Variants in METTL15 observed in about 807,000 individuals in gnomAD.
METTL15 encodes 12S rRNA N(4)-cytidine methyltransferase METTL15.
Under a neutral mutation model 38.3 loss-of-function variants are expected in METTL15, and 34 were observed. The observed-to-expected ratio is 0.89, with a 90% CI of 0.68 to 1.18. The LOEUF (loss-of-function observed/expected upper bound fraction) is 1.18, where lower values mean the gene tolerates loss of function less well. Ranked by LOEUF, METTL15 falls within the 50% of genes most tolerant of loss-of-function variation. METTL15 has a pLI of 0.00. For missense variants in METTL15, 438 were observed against 498.4 expected (o/e 0.88, Z 1.15); for synonymous variants, 162 against 170.9 (o/e 0.95, Z 0.41).
intron 3 of METTL15, among the ~76,000 whole-genome samples, chr11:28,113,959 G>C (rs1365470692): frequency 3.3e-5 from 5 of 152,186 alleles, no homozygotes; most frequent in Admixed American, 1.3e-4. Flanking sequence ...GGTAGGTTAA[G>C]TACTTAAATG....
intron 6 of METTL15, among the ~76,000 whole-genome samples, chr11:28,499,242 C>T (rs1851562305): frequency 6.6e-6 from 1 of 151,992 alleles, no homozygotes; most frequent in Non-Finnish European, 1.5e-5. Context: ...AGAGTGTGCC[C>T]AAGATCACAA....
intron 5 of METTL15, among the ~76,000 whole-genome samples, chr11:28,415,239 A>C (rs1564924862): frequency 6.6e-6 from 1 of 152,208 alleles, no homozygotes; most frequent in African/African-American, 2.4e-5. Flanking sequence ...GGAATTGGCG[A>C]ATGGAAACAT....
At chr11:28,283,992 T>C (rs1324740602) in intron 4 of METTL15, among the ~76,000 whole-genome samples, 1 of 152,144 alleles carries the variant, frequency 6.6e-6, no homozygotes, top group African/African-American at 2.4e-5. Flanking sequence ...AGTGGGCATG[T>C]AATCTGCCTA....
chr11:28,259,279 T>C, intron 4 of METTL15, among the ~76,000 whole-genome samples: 1 of 152,026 alleles, frequency 6.6e-6, no homozygotes, highest in Middle Eastern at 3.2e-3. Flanking sequence ...CCATTTGTCC[T>C]GCCCTCTCCT....
At chr11:28,418,960 G>T (rs1209427053) in intron 5 of METTL15, among the ~76,000 whole-genome samples, 1 of 152,164 alleles carries the variant, frequency 6.6e-6, no homozygotes, top group African/African-American at 2.4e-5. Flanking sequence ...TGTTCTGGGG[G>T]GTTCTAAATA....
chr11:28,116,132 T>G (rs1025164330), intron 3 of METTL15, among the ~76,000 whole-genome samples: 3 of 151,946 alleles, frequency 2.0e-5, no homozygotes, highest in Admixed American at 6.6e-5. Context: ...TTAAATAAGG[T>G]CTTAGATTAT....
chr11:28,504,555 C>G (rs886458239), intron 6 of METTL15, among the ~76,000 whole-genome samples: 11 of 152,064 alleles, frequency 7.2e-5, no homozygotes, highest in Non-Finnish European at 1.5e-4. Context: ...TAAAATAAAC[C>G]TATGGGTCAA....
intron 4 of METTL15, among the ~76,000 whole-genome samples, chr11:28,244,121 C>G (rs1383450479): frequency 6.6e-6 from 1 of 152,064 alleles, no homozygotes; most frequent in East Asian, 1.9e-4. Context: ...AAACAAAAAA[C>G]CAAGAACATA....
At chr11:28,447,189 T>A (rs937910237) in intron 6 of METTL15, among the ~76,000 whole-genome samples, 1 of 152,176 alleles carries the variant, frequency 6.6e-6, no homozygotes, top group Non-Finnish European at 1.5e-5. Context: ...ACTTTGAGCA[T>A]CTTAGGCTGT....
chr11:28,179,411 A>G (rs1191016756), intron 3 of METTL15, among the ~76,000 whole-genome samples: 1 of 151,710 alleles, frequency 6.6e-6, no homozygotes, highest in African/African-American at 2.4e-5. Flanking sequence ...TGTAATTACT[A>G]CTCAAATGAA....
At chr11:28,442,642 T>C (rs1377755678) in intron 6 of METTL15, among the ~76,000 whole-genome samples, 1 of 152,214 alleles carries the variant, frequency 6.6e-6, no homozygotes, top group Non-Finnish European at 1.5e-5. Context: ...CTGTTCAGTC[T>C]TGACCTGTGA....
At chr11:28,182,853 G>T (rs1851344971) in intron 3 of METTL15, among the ~76,000 whole-genome samples, 1 of 152,162 alleles carries the variant, frequency 6.6e-6, no homozygotes, top group East Asian at 1.9e-4. Context: ...GGGGAGTATG[G>T]CCATTTTTAC....
At chr11:28,407,461 T>C (rs1850683949) in intron 5 of METTL15, among the ~76,000 whole-genome samples, 1 of 151,864 alleles carries the variant, frequency 6.6e-6, no homozygotes, top group South Asian at 2.1e-4. Context: ...TAAACAAATT[T>C]GCAAGAAAAA....
intron 3 of METTL15, among the ~76,000 whole-genome samples, chr11:28,198,179 T>G (rs776595885): frequency 8.5e-5 from 13 of 152,230 alleles, no homozygotes; most frequent in Non-Finnish European, 1.9e-4. Flanking sequence ...ATTGGCATTG[T>G]CTTGGACAGA....
intron 6 of METTL15, among the ~76,000 whole-genome samples, chr11:28,312,840 G>T (rs1020111949): frequency 1.3e-5 from 2 of 152,054 alleles, no homozygotes; most frequent in Non-Finnish European, 2.9e-5. Context: ...CTCCTGAGAT[G>T]GTAGCATTCA....
At chr11:28,389,461 T>C (rs1238278765) in intron 5 of METTL15, among the ~76,000 whole-genome samples, 2 of 145,884 alleles carry the variant, frequency 1.4e-5, no homozygotes, top group African/African-American at 5.1e-5. Context: ...AATTCTCATC[T>C]ATGAGTGAGA....
chr11:28,185,130 T>C (rs1391034147), intron 3 of METTL15, among the ~76,000 whole-genome samples: 2 of 151,532 alleles, frequency 1.3e-5, no homozygotes, highest in African/African-American at 4.8e-5. Context: ...AGTGGTCCCT[T>C]AAATTATATA....
At chr11:28,260,734 T>C (rs1263371953) in intron 4 of METTL15, among the ~76,000 whole-genome samples, 1 of 152,168 alleles carries the variant, frequency 6.6e-6, no homozygotes, top group Non-Finnish European at 1.5e-5. Flanking sequence ...TAGGGAAGAA[T>C]ATGGGGGCTC....
In METTL15 at chr11:28,143,783, C is replaced by G. The variant is rs140950954; in HGVS notation, c.270+30179C>G. ...AACCATGAGTCTAGATGAATTTTGC[C>G]TTGAGAAAAGATATCTTGATCGTTG... On this transcript the variant is annotated intron_variant, in intron 3 of 6. Transcript: ENST00000407364. Among the ~76,000 whole-genome samples the G allele has an allele frequency of 5.0e-3, 755 of 152,204 alleles. 6 individuals carry two copies. The highest frequency in any genetic ancestry group is 0.016 in the African/African-American group (682 of 41,530).
Sources: allele counts gnomAD v4.1 joint callset (sites outside exome capture counted in the v4.1 genomes callset), GRCh38; gene constraint gnomAD v4.1.1; transcripts MANE v1.5; gene names NCBI Gene and HGNC (gene_info 2026-07-23, HGNC 2026-07-21).